Variants in SMAD4 observed in about 807,000 individuals in gnomAD.
SMAD4 encodes SMAD family member 4.
A neutral mutation model predicts 63.2 loss-of-function variants in SMAD4; 7 were observed. That is an observed-to-expected ratio of 0.11 (90% CI 0.06 to 0.21). SMAD4 has a LOEUF of 0.21. Among genes scored for constraint, SMAD4 ranks in the 10% least tolerant of loss-of-function variants. The probability of loss-of-function intolerance (pLI) is 1.00; values close to 1 mark genes in which losing one functional copy is unlikely to be tolerated. For missense variants in SMAD4, 312 were observed against 693.8 expected (o/e 0.45, Z 6.18); for synonymous variants, 215 against 235.4 (o/e 0.91, Z 0.79).
rs375738005 is a variant in SMAD4 at position 51,063,062 on chromosome 18, C to T, written c.956-2361C>T. Among the ~76,000 whole-genome samples, 20 of 151,770 alleles carry T rather than the reference C, an allele frequency of 1.3e-4. No homozygotes were observed. In the East Asian group the frequency reaches 1.4e-3, roughly 10 times the overall value. ...AGAGACGGGGTTTCACTATGTTGGT[C>T]AGGCTGGTCTCGAACTCCTGACCTC... On this transcript the variant is annotated intron_variant, in intron 8 of 11. Coordinates refer to ENST00000342988, the MANE Select transcript of SMAD4 (RefSeq NM_005359.6).
At chr18:51,060,800 A>G (rs1453046529) in intron 8 of SMAD4, among the ~76,000 whole-genome samples, 3 of 152,120 alleles carry the variant, frequency 2.0e-5, no homozygotes, top group Non-Finnish European at 2.9e-5. Context: ...TGCCTGGCTA[A>G]TGTTTGTATT....
At position 51,032,913 on chromosome 18, in the gene SMAD4, A is replaced by G. The variant is rs555913619; in HGVS notation, c.-128+2290A>G. On this transcript the variant is annotated intron_variant, in intron 1 of 11. Transcript: ENST00000342988. ...TTTGTCCCTCTCTAGTTCATGACTAACCATTTTTTTCATTTTTAATCCAGC... is the reference window on the plus strand; with the variant it reads ...TTTGTCCCTCTCTAGTTCATGACTAGCCATTTTTTTCATTTTTAATCCAGC... Among the ~76,000 whole-genome samples, 13 of 152,140 alleles carry G rather than the reference A, an allele frequency of 8.5e-5. No individual in the cohort carries two copies. In the South Asian group the frequency reaches 2.7e-3, roughly 32 times the overall value.
At chr18:51,052,810 ATAC>A (rs1457206234) in intron 4 of SMAD4, 1 of 183,380 alleles carries the variant, frequency 5.5e-6, no homozygotes, top group Non-Finnish European at 1.2e-5. Context: ...CACAAAACGT[ATAC>A]TATGCATACT....
At chr18:51,064,557 TA>T (rs1910099760) in intron 8 of SMAD4, among the ~76,000 whole-genome samples, 1 of 152,248 alleles carries the variant, frequency 6.6e-6, no homozygotes, top group Admixed American at 6.5e-5. Context: ...GAAAGCCAAA[TA>T]ATTTTTATGT....
At chr18:51,071,395 C>G (rs960297009) in intron 10 of SMAD4, among the ~76,000 whole-genome samples, 1 of 151,838 alleles carries the variant, frequency 6.6e-6, no homozygotes, top group African/African-American at 2.4e-5. Context: ...TTTTTTTCAC[C>G]CTTCTAAGTT....
rs769911817 is a variant in SMAD4 at position 51,079,447 on chromosome 18, T to C, written c.*980T>C. On this transcript the variant is annotated 3_prime_UTR_variant, in exon 12 of 12. Transcript: ENST00000342988. ...AACTGCTAAATTCTATGTTAAATAC[T>C]GTGCAGAATAATGGAAACATTACAG... is the stretch of plus-strand genomic sequence containing the variant. 3 of 233,390 alleles carry C rather than the reference T, an allele frequency of 1.3e-5. No homozygotes were observed. Among genetic ancestry groups the C allele is most frequent in the Non-Finnish European group, 2.5e-5 (3 of 117,954 alleles). The allele number at this position is 233,390 out of a possible 1,614,324, so 14.5% of individuals were successfully genotyped here. A position where few individuals can be genotyped will look rare whatever the true frequency, so the allele number is the denominator to read the frequency against.
At chr18:51,033,378 C>T (rs1251637339) in intron 1 of SMAD4, among the ~76,000 whole-genome samples, 10 of 152,054 alleles carry the variant, frequency 6.6e-5, no homozygotes, top group African/African-American at 1.9e-4. Context: ...TTAGTAGAGA[C>T]GAGGTTTCGC....
chr18:51,041,477 G>C (rs1276409971), intron 1 of SMAD4, among the ~76,000 whole-genome samples: 2 of 152,174 alleles, frequency 1.3e-5, no homozygotes, highest in South Asian at 2.1e-4. Flanking sequence ...TTTGCGTGTT[G>C]TCCAGTGCAT....
At chr18:51,041,209 T>C (rs946943998) in intron 1 of SMAD4, among the ~76,000 whole-genome samples, 1 of 152,232 alleles carries the variant, frequency 6.6e-6, no homozygotes, top group Non-Finnish European at 1.5e-5. Context: ...TGCTGTTTTT[T>C]CTCCTCTTTC....
intron 10 of SMAD4, among the ~76,000 whole-genome samples, chr18:51,073,792 A>G (rs954691048): frequency 1.3e-5 from 2 of 152,014 alleles, no homozygotes; most frequent in African/African-American, 2.4e-5. Context: ...CGGCCTCCCA[A>G]AGTGCTGGGA....
chr18:51,055,817 A>G (rs1315863872), intron 5 of SMAD4, among the ~76,000 whole-genome samples: 1 of 151,948 alleles, frequency 6.6e-6, no homozygotes, highest in East Asian at 1.9e-4. Flanking sequence ...TAGATTTTTG[A>G]CAGCTCTGGG....
chr18:51,078,143 T>C lies in SMAD4; in HGVS notation c.1448-113T>C, dbSNP rs145011178. Reference sequence around the variant, plus strand: ...TCTTGGCACTTTAGCAGAGAAGTTATATGCTGAGGAGAATGAAATACAGAA... The same window carrying C: ...TCTTGGCACTTTAGCAGAGAAGTTACATGCTGAGGAGAATGAAATACAGAA... On this transcript the variant is annotated intron_variant, in intron 11 of 11. Coordinates refer to ENST00000342988, the MANE Select transcript of SMAD4 (RefSeq NM_005359.6). The C allele has an allele frequency of 3.5e-3, 3,012 of 865,086 alleles. 5 individuals carry two copies. Among genetic ancestry groups the C allele is most frequent in the Admixed American group, 5.8e-3 (299 of 51,520 alleles). 53.6% of individuals were successfully genotyped at this position (865,086 alleles called of 1,614,324 possible).
chr18:51,075,395 C>T (rs1910446486), intron 10 of SMAD4, among the ~76,000 whole-genome samples: 1 of 152,060 alleles, frequency 6.6e-6, no homozygotes. Context: ...TTGTATTGGG[C>T]CCCTTATGTA....
chr18:51,050,215 C>T (rs1017300648), intron 4 of SMAD4, among the ~76,000 whole-genome samples: 1 of 151,914 alleles, frequency 6.6e-6, no homozygotes, highest in African/African-American at 2.4e-5. Context: ...AAAAATTAGC[C>T]AGGCATGGTG....
rs1030376089 is a variant in SMAD4 at position 51,084,525 on chromosome 18, T to G, written c.*6058T>G. ...GGGTTGAGGGTGGGGGGTTGGGGAG[T>G]CCTGGTAGAGGCCAGCTTTGTGGTA... On this transcript the variant is annotated 3_prime_UTR_variant, in exon 12 of 12. Coordinates refer to ENST00000342988, the MANE Select transcript of SMAD4 (RefSeq NM_005359.6). 1 of 225,586 alleles carries G rather than the reference T, an allele frequency of 4.4e-6. No homozygotes were observed. The highest frequency in any genetic ancestry group is 2.3e-5 in the African/African-American group (1 of 44,400). The allele number at this position is 225,586 out of a possible 1,614,324, so 14.0% of individuals were successfully genotyped here.
At chr18:51,064,371 T>C (rs1318136472) in intron 8 of SMAD4, among the ~76,000 whole-genome samples, 2 of 152,232 alleles carry the variant, frequency 1.3e-5, no homozygotes, top group African/African-American at 4.8e-5. Context: ...CATACCCTGT[T>C]TTATTTTCTT....
chr18:51,073,415 A>C (rs1432366287), intron 10 of SMAD4, among the ~76,000 whole-genome samples: 1 of 145,288 alleles, frequency 6.9e-6, no homozygotes, highest in East Asian at 2.0e-4. Context: ...ACACACACAC[A>C]CACACACACA....
chr18:51,051,678 A>T (rs1909717356), intron 4 of SMAD4, among the ~76,000 whole-genome samples: 1 of 152,212 alleles, frequency 6.6e-6, no homozygotes, highest in African/African-American at 2.4e-5. Context: ...TAAGAGAGTG[A>T]TAATACCATG....
At chr18:51,051,272 T>C (rs993445506) in intron 4 of SMAD4, 5 of 421,902 alleles carry the variant, frequency 1.2e-5, no homozygotes, top group Admixed American at 5.8e-5. Context: ...CTTTCTATAG[T>C]GACTGTAGGG....
Sources: allele counts gnomAD v4.1 joint callset (sites outside exome capture counted in the v4.1 genomes callset), GRCh38; gene constraint gnomAD v4.1.1; transcripts MANE v1.5; gene names NCBI Gene and HGNC (gene_info 2026-07-23, HGNC 2026-07-21).